Variants in PKD2L1 observed in about 807,000 individuals in gnomAD.
PKD2L1 encodes polycystin-2-like protein 1.
Under a neutral mutation model 93.0 loss-of-function variants are expected in PKD2L1, and 77 were observed. That is an observed-to-expected ratio of 0.83 (90% CI 0.69 to 1.00). The LOEUF (loss-of-function observed/expected upper bound fraction) is 1.00. Ranked by LOEUF, PKD2L1 falls within the 50% of genes least tolerant of loss-of-function variation. The probability of loss-of-function intolerance (pLI) is 0.00; values close to 1 mark genes in which losing one functional copy is unlikely to be tolerated. For synonymous variants in PKD2L1, 390 were observed against 388.0 expected (o/e 1.01, Z -0.06); for missense variants, 977 against 990.9 (o/e 0.99, Z 0.19).
At chr10:100,309,993 G>C (rs1485315905) in intron 2 of PKD2L1, among the ~76,000 whole-genome samples, 1 of 152,190 alleles carries the variant, frequency 6.6e-6, no homozygotes, top group Non-Finnish European at 1.5e-5. Flanking sequence ...GGCAACCATA[G>C]CATTTCCAAA....
chr10:100,321,752 A>G lies in PKD2L1; in HGVS notation c.349+7459T>C, dbSNP rs868683986. The stretch of plus-strand genomic sequence containing the variant: ...GAAAGAAAGAAAGAAAGAAAGAAAG[A>G]AAGAAGGGAGGGAGGGAGGGAGGGA... On this transcript the variant is annotated intron_variant, in intron 2 of 15. Transcript: ENST00000318222. Among the ~76,000 whole-genome samples the G allele has an allele frequency of 2.9e-3, 14 of 4,898 alleles. 1 individual carries two copies. The highest frequency in any genetic ancestry group is 3.8e-3 in the African/African-American group (6 of 1,560). The allele number at this position is 4,898 out of a possible 152,430, so 3.2% of individuals were successfully genotyped here.
intron 2 of PKD2L1, among the ~76,000 whole-genome samples, chr10:100,307,896 C>G (rs1848842076): frequency 6.6e-6 from 1 of 152,068 alleles, no homozygotes; most frequent in African/African-American, 2.4e-5. Flanking sequence ...TGGAATTGCC[C>G]TTTGTATTTC....
rs768379536 is a variant in PKD2L1 at position 100,290,408 on chromosome 10, ATTC to A, written c.2116_2118del (p.Glu706del). On this transcript the variant is annotated inframe_deletion, in exon 13 of 16. Coordinates refer to ENST00000318222, the MANE Select transcript of PKD2L1 (RefSeq NM_016112.3). Reference sequence around the variant, plus strand: ...TTTCTTGGCTGCACGTACATGTAGAATTCTTCTCCTGAAACCCAGCCTCCTGCT... The same window carrying A: ...TTTCTTGGCTGCACGTACATGTAGAATTCTCCTGAAACCCAGCCTCCTGCT... 3.8e-5 allele frequency: 61 copies of A among 1,608,240 alleles called. No homozygotes were observed. The Admixed American group carries it at 9.5e-4, about 25-fold the overall frequency.
At chr10:100,301,716 A>G (rs1242931125) in intron 2 of PKD2L1, among the ~76,000 whole-genome samples, 1 of 152,202 alleles carries the variant, frequency 6.6e-6, no homozygotes, top group Non-Finnish European at 1.5e-5. Context: ...AGTTAACGCA[A>G]TCATCACAGG....
chr10:100,327,392 A>G (rs1455466264), intron 2 of PKD2L1, among the ~76,000 whole-genome samples: 1 of 152,242 alleles, frequency 6.6e-6, no homozygotes, highest in African/African-American at 2.4e-5. Context: ...GTCACAGACC[A>G]TCTGGCAATG....
chr10:100,320,405 G>C (rs1849200191), intron 2 of PKD2L1, among the ~76,000 whole-genome samples: 1 of 152,160 alleles, frequency 6.6e-6, no homozygotes, highest in Admixed American at 6.6e-5. Flanking sequence ...GAAGAAACAT[G>C]GTCAGTATGG....
chr10:100,313,032 C>T (rs997247891), intron 2 of PKD2L1, among the ~76,000 whole-genome samples: 6 of 152,094 alleles, frequency 3.9e-5, no homozygotes, highest in South Asian at 2.1e-4. Flanking sequence ...TGTAGTAAAA[C>T]GTAAAAGTCC....
chr10:100,317,872 G>A (rs909588963), intron 2 of PKD2L1, among the ~76,000 whole-genome samples: 2 of 152,130 alleles, frequency 1.3e-5, no homozygotes, highest in Non-Finnish European at 2.9e-5. Context: ...CCTGAGATCA[G>A]TTCGAGACCG....
intron 2 of PKD2L1, among the ~76,000 whole-genome samples, chr10:100,323,633 A>C (rs760956025): frequency 1.8e-4 from 27 of 152,146 alleles, no homozygotes; most frequent in Non-Finnish European, 2.4e-4. Flanking sequence ...GGAATGATCA[A>C]ATCAGGCTAA....
At chr10:100,297,702 TTGTG>T (rs60373525) in intron 4 of PKD2L1, 96 bp from the exon 5 acceptor site, 122,014 of 599,676 alleles carry the variant, frequency 0.2, 4,290 homozygotes, top group Non-Finnish European at 0.22. Flanking sequence ...GGTTTACATA[TTGTG>T]TGTGTGTGTG....
intron 2 of PKD2L1, among the ~76,000 whole-genome samples, chr10:100,301,230 C>T (rs1034808193): frequency 1.1e-4 from 17 of 152,098 alleles, no homozygotes; most frequent in East Asian, 7.7e-4. Flanking sequence ...AAGGTCAGGG[C>T]GAAACTAGAA....
At position 100,290,442 on chromosome 10, in the gene PKD2L1, A is replaced by G; in HGVS notation, c.2085T>C (p.Ala695=). The G allele has an allele frequency of 6.2e-7, 1 of 1,613,748 alleles. No individual in the cohort carries two copies. Among genetic ancestry groups the G allele is most frequent in the Middle Eastern group, 1.6e-4 (1 of 6,062 alleles). Residue 695 remains alanine (A), a synonymous_variant, in exon 13 of 16, where the codon GCT becomes GCC. Transcript: ENST00000318222. ...SSPQGKSGPE[A]ARAGGWVSGE... ...CTGAAACCCAGCCTCCTGCTCTGGC[A>G]GCCTCTGGACCCGATTTGCCTTGTG...
At chr10:100,316,340 T>C (rs937035736) in intron 2 of PKD2L1, among the ~76,000 whole-genome samples, 2 of 152,128 alleles carry the variant, frequency 1.3e-5, no homozygotes, top group Admixed American at 1.3e-4. Context: ...GCCTGGCTAA[T>C]TTTGTATTTT....
intron 2 of PKD2L1, among the ~76,000 whole-genome samples, chr10:100,307,266 G>T (rs1589671787): frequency 6.6e-6 from 1 of 152,318 alleles, no homozygotes; most frequent in East Asian, 1.9e-4. Context: ...GTTTAAGTAA[G>T]TTGCCCAAGG....
intron 3 of PKD2L1, 122 bp from the exon 4 acceptor site, chr10:100,298,937 T>A: frequency 2.8e-6 from 2 of 720,498 alleles, no homozygotes; most frequent in Non-Finnish European, 4.1e-6. Context: ...AAAAAATTAT[T>A]GTTATTATTA....
intron 2 of PKD2L1, among the ~76,000 whole-genome samples, chr10:100,315,232 G>C (rs980894106): frequency 1.6e-4 from 24 of 151,964 alleles, no homozygotes; most frequent in Non-Finnish European, 4.4e-5. Flanking sequence ...TGTGCAGAAC[G>C]TGCAGGTTTG....
At chr10:100,307,765 A>T (rs1293485796) in intron 2 of PKD2L1, among the ~76,000 whole-genome samples, 1 of 152,188 alleles carries the variant, frequency 6.6e-6, no homozygotes, top group East Asian at 1.9e-4. Flanking sequence ...CTTCACAAAC[A>T]TCCTTTTCAC....
At chr10:100,306,632 C>T (rs1470370985) in intron 2 of PKD2L1, among the ~76,000 whole-genome samples, 1 of 151,762 alleles carries the variant, frequency 6.6e-6, no homozygotes. Context: ...GAGGCCAAAG[C>T]GAGTGGACTA....
chr10:100,324,195 T>C (rs1281024312), intron 2 of PKD2L1, among the ~76,000 whole-genome samples: 1 of 152,232 alleles, frequency 6.6e-6, no homozygotes, highest in East Asian at 1.9e-4. Context: ...AGATTTCCCA[T>C]AGATCCCCTG....
Sources: gnomAD v4.1 joint callset for allele counts (sites outside exome capture counted in the v4.1 genomes callset) on GRCh38, gnomAD v4.1.1 for gene constraint, MANE v1.5 for transcripts, NCBI Gene and HGNC (gene_info 2026-07-23, HGNC 2026-07-21) for gene names.